Variants in AK5 observed in about 807,000 individuals in gnomAD.
The protein encoded by AK5 is adenylate kinase isoenzyme 5.
Under a neutral mutation model 69.5 loss-of-function variants are expected in AK5, and 27 were observed. That is an observed-to-expected ratio of 0.39 (90% CI 0.29 to 0.54). The LOEUF is 0.54. AK5 is among the 20% of genes least tolerant of loss of function. The pLI is 0.71. For missense variants in AK5, 531 were observed against 700.4 expected, an observed-to-expected ratio of 0.76 and a Z score of 2.73; for synonymous variants, 260 against 244.4, an observed-to-expected ratio of 1.06 and a Z score of -0.60.
intron 5 of AK5, among the ~76,000 whole-genome samples, chr1:77,333,629 C>T (rs1661204298): frequency 6.6e-6 from 1 of 151,696 alleles, no homozygotes; most frequent in South Asian, 2.1e-4. Context: ...AACTATGGCC[C>T]ATGTGCCAAG....
At chr1:77,382,583 C>A (rs1647722312) in intron 6 of AK5, among the ~76,000 whole-genome samples, 1 of 152,196 alleles carries the variant, frequency 6.6e-6, no homozygotes, top group African/African-American at 2.4e-5. Context: ...CTCTTGGCCT[C>A]AAGTGAGTCA....
chr1:77,453,278 A>T (rs1653266731), intron 8 of AK5, among the ~76,000 whole-genome samples: 2 of 152,238 alleles, frequency 1.3e-5, no homozygotes, highest in South Asian at 4.1e-4. Flanking sequence ...CTAGAGCAAC[A>T]CATGGCACAT....
chr1:77,348,995 A>G (rs143079536), intron 6 of AK5, among the ~76,000 whole-genome samples: 1 of 152,346 alleles, frequency 6.6e-6, no homozygotes, highest in East Asian at 1.9e-4. Context: ...ATTAATCAAT[A>G]TCTTTTAAAG....
chr1:77,534,358 A>G (rs973686576), intron 12 of AK5, among the ~76,000 whole-genome samples: 8 of 152,154 alleles, frequency 5.3e-5, no homozygotes, highest in African/African-American at 1.4e-4. Flanking sequence ...CATAACACAG[A>G]TCATACCACC....
At chr1:77,391,487 G>GTA (rs1648456643) in intron 6 of AK5, among the ~76,000 whole-genome samples, 2 of 89,462 alleles carry the variant, frequency 2.2e-5, no homozygotes, top group Admixed American at 1.1e-4. Context: ...GTGTGTATGT[G>GTA]TGTGTGTGTA....
intron 13 of AK5, among the ~76,000 whole-genome samples, chr1:77,552,913 G>A (rs533392015): frequency 1.3e-5 from 2 of 152,216 alleles, no homozygotes; most frequent in East Asian, 1.9e-4. Context: ...GGGGGCACAC[G>A]CCTGTAGTCT....
At chr1:77,366,074 A>T (rs1234219165) in intron 6 of AK5, among the ~76,000 whole-genome samples, 1 of 152,208 alleles carries the variant, frequency 6.6e-6, no homozygotes, top group Non-Finnish European at 1.5e-5. Context: ...AAGACTGGAA[A>T]AAATGTAATG....
At position 77,410,965 on chromosome 1, in the gene AK5, T is replaced by C. The variant is rs2100569498; in HGVS notation, c.892-16T>C. 1 of 1,610,256 alleles carries C rather than the reference T, an allele frequency of 6.2e-7. No homozygotes were observed. Among genetic ancestry groups the C allele is most frequent in the East Asian group, 2.2e-5 (1 of 44,832 alleles). On this transcript the variant is annotated splice_polypyrimidine_tract_variant and intron_variant, in intron 6 of 13. Transcript: ENST00000354567. Reference sequence around the variant, plus strand: ...TATTCTCACATTCCAAACTTGTCTGTCCTGATTTCCCCCAGTTTGATGCCG... The same window carrying C: ...TATTCTCACATTCCAAACTTGTCTGCCCTGATTTCCCCCAGTTTGATGCCG...
intron 10 of AK5, among the ~76,000 whole-genome samples, chr1:77,499,921 T>C (rs891734068): frequency 1.6e-5 from 2 of 124,486 alleles, no homozygotes; most frequent in African/African-American, 6.1e-5. Flanking sequence ...CTGCAGCACC[T>C]ATCAGGATGC....
chr1:77,534,655 A>C (rs1193341850), intron 12 of AK5, among the ~76,000 whole-genome samples: 1 of 152,230 alleles, frequency 6.6e-6, no homozygotes, highest in Non-Finnish European at 1.5e-5. Flanking sequence ...TGAGGAAGTC[A>C]GTTTAAATGA....
chr1:77,312,777 T>A (rs1660036672), intron 5 of AK5, among the ~76,000 whole-genome samples: 1 of 152,096 alleles, frequency 6.6e-6, no homozygotes, highest in Non-Finnish European at 1.5e-5. Flanking sequence ...CGTACTGTCT[T>A]TTTTTCCATC....
Position 77,391,495 on chromosome 1 carries a change from G to GTGTA in AK5, c.892-19485_892-19484insGTAT, listed in dbSNP as rs1425180466. Among the ~76,000 whole-genome samples, 47 of 63,394 alleles carry GTGTA rather than the reference G, an allele frequency of 7.4e-4. 1 individual carries two copies. Among genetic ancestry groups the GTGTA allele is most frequent in the Middle Eastern group, 6.0e-3 (1 of 166 alleles). 41.6% of individuals were successfully genotyped at this position (63,394 alleles called of 152,430 possible). On this transcript the variant is annotated intron_variant, in intron 6 of 13. Transcript: ENST00000354567. ...TATGTGTGTGTGTATGTGTGTGTGT[G>GTGTA]TATATATATATATATATATATATAT...
At chr1:77,345,187 AC>A (rs1387661164) in intron 6 of AK5, among the ~76,000 whole-genome samples, 1 of 152,194 alleles carries the variant, frequency 6.6e-6, no homozygotes, top group African/African-American at 2.4e-5. Flanking sequence ...TTAGCTTTAG[AC>A]TGTGAAGTAA....
chr1:77,529,340 T>G (rs897036613), intron 12 of AK5, among the ~76,000 whole-genome samples: 10 of 151,378 alleles, frequency 6.6e-5, no homozygotes, highest in African/African-American at 2.2e-4. Flanking sequence ...ATAGGTTTTT[T>G]TTTTTTTTTT....
chr1:77,367,040 G>C (rs1471427014), intron 6 of AK5, among the ~76,000 whole-genome samples: 2 of 152,106 alleles, frequency 1.3e-5, no homozygotes, highest in South Asian at 2.1e-4. Context: ...CTTTGGTTCC[G>C]AAATTAATCA....
At position 77,318,733 on chromosome 1, in the gene AK5, TG is replaced by T. The variant is rs533011115; in HGVS notation, c.699+20787del. The stretch of plus-strand genomic sequence containing the variant: ...CAGTGGGTCTTTTTTTTTTTCTGCT[TG>T]TCCAGTCTCCCCTTCTCTTGGACAT... On this transcript the variant is annotated intron_variant, in intron 5 of 13. Coordinates refer to ENST00000354567, the MANE Select transcript of AK5 (RefSeq NM_174858.3). 2.3e-4 allele frequency among the ~76,000 whole-genome samples: 35 copies of T among 152,130 alleles called. No homozygotes were observed. In the East Asian group the frequency reaches 6.2e-3, roughly 27 times the overall value.
intron 7 of AK5, among the ~76,000 whole-genome samples, chr1:77,412,096 G>A (rs568531724): frequency 1.3e-5 from 2 of 152,114 alleles, no homozygotes; most frequent in East Asian, 1.9e-4. Context: ...TACCTCTAAC[G>A]ACAAATATCT....
At chr1:77,410,893 A>G in intron 6 of AK5, 88 bp from the exon 7 acceptor site, 3 of 950,168 alleles carry the variant, frequency 3.2e-6, no homozygotes, top group Non-Finnish European at 4.9e-6. Context: ...TTAGAGATAC[A>G]GTTGTGTGAT....
intron 8 of AK5, among the ~76,000 whole-genome samples, chr1:77,461,760 A>G (rs545457924): frequency 6.7e-6 from 1 of 149,960 alleles, no homozygotes; most frequent in East Asian, 2.0e-4. Context: ...ACAGGGCAAG[A>G]CTCTGTCTCA....
Sources: allele counts gnomAD v4.1 joint callset (sites outside exome capture counted in the v4.1 genomes callset), GRCh38; gene constraint gnomAD v4.1.1; transcripts MANE v1.5; gene names NCBI Gene and HGNC (gene_info 2026-07-23, HGNC 2026-07-21).